The following ESRRG variants were observed in gnomAD, a reference collection of about 807,000 sequenced individuals.
ESRRG encodes estrogen-related receptor gamma.
In ESRRG, 13 loss-of-function variants were observed where a neutral mutation model predicts 44.0. The observed-to-expected ratio is 0.30, with a 90% CI of 0.19 to 0.47. The LOEUF is 0.47. Ranked by LOEUF, ESRRG falls within the 20% of genes least tolerant of loss-of-function variation. The probability of loss-of-function intolerance (pLI) is 1.00; values close to 1 mark genes in which losing one functional copy is unlikely to be tolerated. For synonymous variants in ESRRG, 215 were observed against 214.6 expected, an observed-to-expected ratio of 1.00 and a Z score of -0.02; for missense variants, 395 against 580.6, an observed-to-expected ratio of 0.68 and a Z score of 3.29.
At chr1:216,780,816 T>A (rs1005757796) in intron 2 of ESRRG, among the ~76,000 whole-genome samples, 7 of 152,046 alleles carry the variant, frequency 4.6e-5, no homozygotes, top group Non-Finnish European at 1.0e-4. Flanking sequence ...CATTCTCACG[T>A]GCCTTATGTC....
chr1:216,839,960 C>G (rs2576259), intron 2 of ESRRG, among the ~76,000 whole-genome samples: 112,854 of 152,104 alleles, frequency 0.74, 42,188 homozygotes, highest in African/African-American at 0.81. Flanking sequence ...GGAGCCCTAG[C>G]ATTTTCAAAA....
intron 1 of ESRRG, among the ~76,000 whole-genome samples, chr1:217,073,603 G>A (rs1237577046): frequency 2.0e-5 from 3 of 152,088 alleles, no homozygotes; most frequent in Non-Finnish European, 4.4e-5. Flanking sequence ...AACCAGGGCT[G>A]GCATCAAAAG....
chr1:216,795,797 G>A (rs1328462020), intron 2 of ESRRG, among the ~76,000 whole-genome samples: 3 of 152,100 alleles, frequency 2.0e-5, no homozygotes, highest in African/African-American at 7.2e-5. Context: ...GACAAAAACA[G>A]AAATACATTC....
intron 2 of ESRRG, among the ~76,000 whole-genome samples, chr1:216,892,648 C>A (rs185418616): frequency 6.6e-6 from 1 of 152,172 alleles, no homozygotes; most frequent in African/African-American, 2.4e-5. Flanking sequence ...TTATACCAAC[C>A]GTCTAGAAGG....
intron 2 of ESRRG, among the ~76,000 whole-genome samples, chr1:216,823,771 C>T (rs11117687): frequency 0.62 from 93,564 of 151,902 alleles, 29,391 homozygotes; most frequent in African/African-American, 0.68. Context: ...AGATGCAAGG[C>T]ATTAGACTAA....
At chr1:216,730,895 T>C (rs1406892416) in intron 2 of ESRRG, among the ~76,000 whole-genome samples, 2 of 152,238 alleles carry the variant, frequency 1.3e-5, no homozygotes, top group South Asian at 2.1e-4. Flanking sequence ...ATTCTTCTGA[T>C]AGCTAAGAAG....
intron 1 of ESRRG, among the ~76,000 whole-genome samples, chr1:216,946,025 A>G (rs1055793055): frequency 4.6e-5 from 7 of 152,214 alleles, no homozygotes; most frequent in Non-Finnish European, 8.8e-5. Flanking sequence ...TGCTCCCTGG[A>G]ACAGCTCATT....
intron 3 of ESRRG, among the ~76,000 whole-genome samples, chr1:216,621,831 T>G (rs777574887): frequency 3.3e-5 from 5 of 152,236 alleles, no homozygotes; most frequent in Non-Finnish European, 7.3e-5. Context: ...AGGTTAATTC[T>G]GCCTTAGGAA....
intron 2 of ESRRG, among the ~76,000 whole-genome samples, chr1:216,822,361 C>T (rs17650095): frequency 0.038 from 5,769 of 152,130 alleles, 147 homozygotes; most frequent in Non-Finnish European, 0.06. Flanking sequence ...ATTACCAAAC[C>T]CAGCTGAAAA....
chr1:216,937,201 CAAAGACATT>C (rs1448502294), intron 2 of ESRRG, among the ~76,000 whole-genome samples: 1 of 148,656 alleles, frequency 6.7e-6, no homozygotes, highest in Non-Finnish European at 1.5e-5. Context: ...ATAGAATTGA[CAAAGACATT>C]AAAGATGGAA....
intron 2 of ESRRG, among the ~76,000 whole-genome samples, chr1:216,824,197 A>G (rs1473627361): frequency 6.6e-6 from 1 of 152,178 alleles, no homozygotes; most frequent in Non-Finnish European, 1.5e-5. Flanking sequence ...CTGTAATCCC[A>G]GCACTTTGAG....
At position 216,700,511 on chromosome 1, in the gene ESRRG, C is replaced by T. The variant is rs116964291; in HGVS notation, c.56+22733G>A. Among the ~76,000 whole-genome samples, 193 of 152,236 alleles carry T rather than the reference C, an allele frequency of 1.3e-3. 2 individuals are homozygous for T. Among genetic ancestry groups the T allele is most frequent in the East Asian group, 0.012 (62 of 5,168 alleles). On this transcript the variant is annotated intron_variant, in intron 1 of 6. Transcript: ENST00000408911. ...ACACATACACAAACACACACACTTA[C>T]GCACTCATTTGCTCACTCTTAAACA...
intron 2 of ESRRG, among the ~76,000 whole-genome samples, chr1:216,875,421 C>T (rs1173758348): frequency 6.6e-6 from 1 of 152,026 alleles, no homozygotes; most frequent in African/African-American, 2.4e-5. Context: ...CCAAAAGGTA[C>T]CAAAAGGTAA....
intron 2 of ESRRG, among the ~76,000 whole-genome samples, chr1:216,859,433 G>C (rs1470120223): frequency 6.6e-6 from 1 of 152,178 alleles, no homozygotes; most frequent in Admixed American, 6.5e-5. Flanking sequence ...AGAAGATGTT[G>C]CTGCAAAGAT....
chr1:216,814,853 A>G (rs1024616455), intron 2 of ESRRG, among the ~76,000 whole-genome samples: 1 of 152,236 alleles, frequency 6.6e-6, no homozygotes, highest in East Asian at 1.9e-4. Flanking sequence ...CGTAAAACTT[A>G]TATTTTTAAA....
intron 1 of ESRRG, among the ~76,000 whole-genome samples, chr1:217,136,873 T>C (rs2093057414): frequency 6.6e-6 from 1 of 152,136 alleles, no homozygotes; most frequent in Admixed American, 6.5e-5. Context: ...CCAGGGTCAA[T>C]AGGACGATCA....
chr1:216,738,816 T>G (rs894467709), intron 2 of ESRRG, among the ~76,000 whole-genome samples: 2 of 152,156 alleles, frequency 1.3e-5, no homozygotes, highest in South Asian at 2.1e-4. Context: ...AAAATCTTAC[T>G]TATCCTTTTT....
chr1:216,540,261 T>A (rs1266907176), intron 5 of ESRRG, among the ~76,000 whole-genome samples: 3 of 152,014 alleles, frequency 2.0e-5, no homozygotes, highest in Non-Finnish European at 4.4e-5. Flanking sequence ...AAAACAGGTG[T>A]AAACTTCCGT....
chr1:217,044,246 C>A (rs867633183), intron 1 of ESRRG, among the ~76,000 whole-genome samples: 4 of 152,076 alleles, frequency 2.6e-5, no homozygotes, highest in African/African-American at 9.7e-5. Context: ...AAGTCCTTGC[C>A]CAGATTGGCC....
Sources: allele counts gnomAD v4.1 joint callset (sites outside exome capture counted in the v4.1 genomes callset), GRCh38; gene constraint gnomAD v4.1.1; transcripts MANE v1.5; gene names NCBI Gene and HGNC (gene_info 2026-07-23, HGNC 2026-07-21).